Variants in EYA1 observed in about 807,000 individuals in gnomAD.
EYA1 encodes the protein EYA transcriptional coactivator and phosphatase 1, also known as protein phosphatase EYA1.
Under a neutral mutation model 82.0 loss-of-function variants are expected in EYA1, and 16 were observed. That is an observed-to-expected ratio of 0.20 (90% CI 0.13 to 0.30). The LOEUF is 0.30. Among genes scored for constraint, EYA1 ranks in the 10% least tolerant of loss-of-function variants. The pLI is 1.00. For missense variants in EYA1, 633 were observed against 730.7 expected (o/e 0.87, Z 1.54); for synonymous variants, 261 against 264.4 (o/e 0.99, Z 0.12).
intron 16 of EYA1, among the ~76,000 whole-genome samples, chr8:71,212,863 G>A (rs1563625046): frequency 6.6e-6 from 1 of 152,108 alleles, no homozygotes; most frequent in Non-Finnish European, 1.5e-5. Flanking sequence ...GATCACCTGA[G>A]GTCAGGAGTC....
chr8:71,279,742 C>T (rs751344306), intron 9 of EYA1, among the ~76,000 whole-genome samples: 1 of 152,180 alleles, frequency 6.6e-6, no homozygotes, highest in African/African-American at 2.4e-5. Context: ...AAGTCAAAGG[C>T]ACTGAAACTA....
At chr8:71,301,565 G>A (rs1188528179) in intron 7 of EYA1, among the ~76,000 whole-genome samples, 2 of 152,078 alleles carry the variant, frequency 1.3e-5, no homozygotes, top group Non-Finnish European at 2.9e-5. Flanking sequence ...CTTGAGCCAA[G>A]AATTATTTTT....
At chr8:71,504,972 G>T (rs1247266756) in intron 2 of EYA1, among the ~76,000 whole-genome samples, 1 of 151,980 alleles carries the variant, frequency 6.6e-6, no homozygotes, top group Non-Finnish European at 1.5e-5. Flanking sequence ...TGGCTAATCT[G>T]TATTTTTAGT....
At chr8:71,437,101 AT>A (rs1398345181) in intron 2 of EYA1, among the ~76,000 whole-genome samples, 1 of 136,704 alleles carries the variant, frequency 7.3e-6, no homozygotes, top group Non-Finnish European at 1.6e-5. Context: ...ATATATATAT[AT>A]ATCTTTTATA....
intron 9 of EYA1, among the ~76,000 whole-genome samples, chr8:71,288,646 C>T (rs1818659207): frequency 6.6e-6 from 1 of 152,182 alleles, no homozygotes; most frequent in Admixed American, 6.5e-5. Flanking sequence ...TACAAATATG[C>T]TACGTTCTAA....
intron 11 of EYA1, among the ~76,000 whole-genome samples, chr8:71,245,257 C>T (rs1348856446): frequency 1.3e-5 from 2 of 151,796 alleles, no homozygotes; most frequent in Non-Finnish European, 2.9e-5. Context: ...GACAGAGTCT[C>T]GCTCTGTCAC....
intron 2 of EYA1, among the ~76,000 whole-genome samples, chr8:71,509,996 G>T (rs977024292): frequency 1.3e-5 from 2 of 151,152 alleles, no homozygotes; most frequent in African/African-American, 4.9e-5. Flanking sequence ...TTAGATTATT[G>T]TTCTGTAATA....
chr8:71,341,670 G>T (rs568349805), intron 3 of EYA1, among the ~76,000 whole-genome samples: 17 of 152,102 alleles, frequency 1.1e-4, no homozygotes, highest in African/African-American at 4.1e-4. Context: ...TTTATGTTTG[G>T]ATTGGCTATA....
chr8:71,486,055 G>C (rs577523896), intron 2 of EYA1, among the ~76,000 whole-genome samples: 2 of 152,122 alleles, frequency 1.3e-5, no homozygotes, highest in Non-Finnish European at 1.5e-5. Flanking sequence ...GTGAGTATCG[G>C]GTTGCATGGT....
intron 2 of EYA1, among the ~76,000 whole-genome samples, chr8:71,531,518 A>G (rs985670701): frequency 2.7e-4 from 41 of 152,214 alleles, no homozygotes; most frequent in Non-Finnish European, 4.6e-4. Flanking sequence ...ATAGAATGAT[A>G]TATTTTTAAA....
intron 2 of EYA1, among the ~76,000 whole-genome samples, chr8:71,393,742 C>A (rs1829419512): frequency 6.6e-6 from 1 of 152,128 alleles, no homozygotes; most frequent in Non-Finnish European, 1.5e-5. Context: ...TGAATAGTGC[C>A]ACAATAAACA....
intron 2 of EYA1, among the ~76,000 whole-genome samples, chr8:71,487,338 A>T (rs1810649965): frequency 1.3e-5 from 2 of 152,190 alleles, no homozygotes; most frequent in South Asian, 4.1e-4. Context: ...GATCTCCAGA[A>T]GCCCTCCCAG....
intron 12 of EYA1, among the ~76,000 whole-genome samples, chr8:71,238,734 T>C (rs1812136256): frequency 6.6e-6 from 1 of 152,096 alleles, no homozygotes; most frequent in Non-Finnish European, 1.5e-5. Context: ...CTTCTACATA[T>C]CAAATTATCT....
At chr8:71,440,161 A>T (rs1207821895) in intron 2 of EYA1, among the ~76,000 whole-genome samples, 3 of 152,156 alleles carry the variant, frequency 2.0e-5, no homozygotes, top group Non-Finnish European at 4.4e-5. Context: ...ACGCAACACA[A>T]TTCGGACTGC....
chr8:71,201,318 C>CATATACCAGGTGTGACTCTG (rs1806980822), intron 17 of EYA1, among the ~76,000 whole-genome samples: 1 of 151,422 alleles, frequency 6.6e-6, no homozygotes, highest in South Asian at 2.1e-4. Context: ...AGCCAAGATC[C>CATATACCAGGTGTGACTCTG]ATATACCAGG....
intron 4 of EYA1, among the ~76,000 whole-genome samples, chr8:71,325,329 C>A (rs114993254): frequency 1.2e-3 from 188 of 152,212 alleles, no homozygotes; most frequent in African/African-American, 4.1e-3. Flanking sequence ...TCTGTACTTT[C>A]TTGGAACATT....
chr8:71,297,897 G>A (rs928301176), intron 9 of EYA1, among the ~76,000 whole-genome samples: 1 of 152,014 alleles, frequency 6.6e-6, no homozygotes, highest in African/African-American at 2.4e-5. Flanking sequence ...AATTATCAAA[G>A]ACAAAAATAT....
chr8:71,314,123 CAAAT>C lies in EYA1; in HGVS notation c.556+3425_556+3428del, dbSNP rs1821647356. On this transcript the variant is annotated intron_variant, in intron 7 of 17. Transcript: ENST00000340726. ...AGCTATAAGATGAAATTGATAAAAG[CAAAT>C]AATCACTGTTATTCATTAAGGATTA... 3.3e-5 allele frequency among the ~76,000 whole-genome samples: 5 copies of C among 152,010 alleles called. No homozygotes were observed. The South Asian group carries it at 1.0e-3, about 32-fold the overall frequency.
intron 17 of EYA1, among the ~76,000 whole-genome samples, chr8:71,205,087 G>T (rs1013635521): frequency 5.9e-5 from 9 of 152,120 alleles, no homozygotes; most frequent in Admixed American, 3.3e-4. Flanking sequence ...GCTTGAAATT[G>T]GGCATTATTA....
Sources: allele counts gnomAD v4.1 joint callset (sites outside exome capture counted in the v4.1 genomes callset), GRCh38; gene constraint gnomAD v4.1.1; transcripts MANE v1.5; gene names NCBI Gene and HGNC (gene_info 2026-07-23, HGNC 2026-07-21).